The following EYA3 variants were observed in gnomAD, a reference collection of about 807,000 sequenced individuals.
The protein encoded by EYA3 is EYA transcriptional coactivator and phosphatase 3.
A neutral mutation model predicts 80.0 loss-of-function variants in EYA3; 39 were observed. The ratio of observed to expected loss-of-function variants is 0.49; its 90% CI spans 0.38 to 0.64. EYA3 has a LOEUF of 0.64. EYA3 is among the 30% of genes least tolerant of loss of function. The pLI is 0.00. For missense variants in EYA3, 523 were observed against 676.1 expected, an observed-to-expected ratio of 0.77 and a Z score of 2.51; for synonymous variants, 206 against 232.8, an observed-to-expected ratio of 0.88 and a Z score of 1.05.
At chr1:28,082,765 A>T (rs1170413764) in intron 1 of EYA3, among the ~76,000 whole-genome samples, 1 of 152,186 alleles carries the variant, frequency 6.6e-6, no homozygotes, top group African/African-American at 2.4e-5. Context: ...CTCTGAAGGT[A>T]AAAGAAAAAA....
At chr1:27,999,550 A>C (rs1640684283) in intron 12 of EYA3, among the ~76,000 whole-genome samples, 1 of 152,228 alleles carries the variant, frequency 6.6e-6, no homozygotes, top group African/African-American at 2.4e-5. Context: ...TCAGGAGACT[A>C]TCCTTTAAGA....
At chr1:28,058,140 A>G (rs1037431910) in intron 1 of EYA3, 46 bp from the exon 2 acceptor site, 2 of 720,138 alleles carry the variant, frequency 2.8e-6, no homozygotes, top group African/African-American at 3.6e-5. Context: ...CTCTTAAAGT[A>G]TTATCATTGA....
chr1:28,027,080 A>G (rs190533880), intron 7 of EYA3, among the ~76,000 whole-genome samples: 1 of 152,316 alleles, frequency 6.6e-6, no homozygotes, highest in Admixed American at 6.5e-5. Context: ...ATATCAGGAG[A>G]AAAGAGGCAG....
chr1:27,990,706 C>T (rs1639994409), intron 14 of EYA3, among the ~76,000 whole-genome samples: 1 of 151,998 alleles, frequency 6.6e-6, no homozygotes, highest in Non-Finnish European at 1.5e-5. Flanking sequence ...GCAGCTGCCA[C>T]CACACCCAGC....
At chr1:28,054,107 C>T (rs765771789) in intron 2 of EYA3, among the ~76,000 whole-genome samples, 3 of 152,140 alleles carry the variant, frequency 2.0e-5, no homozygotes, top group Non-Finnish European at 4.4e-5. Context: ...ATTCCATATG[C>T]TAGAGGGGTA....
chr1:28,034,907 T>C (rs569734722), intron 6 of EYA3, among the ~76,000 whole-genome samples: 2 of 152,228 alleles, frequency 1.3e-5, no homozygotes, highest in South Asian at 4.1e-4. Context: ...TTTACACACA[T>C]AGAAAAATAA....
At chr1:27,980,946 G>A (rs1639258901) in intron 16 of EYA3, among the ~76,000 whole-genome samples, 1 of 152,234 alleles carries the variant, frequency 6.6e-6, no homozygotes, top group Admixed American at 6.5e-5. Flanking sequence ...GGAGGCTGAT[G>A]TGGGTGGATC....
At chr1:28,080,901 C>A (rs1645400699) in intron 1 of EYA3, among the ~76,000 whole-genome samples, 1 of 152,070 alleles carries the variant, frequency 6.6e-6, no homozygotes, top group Non-Finnish European at 1.5e-5. Context: ...TAGGCGCCTG[C>A]CACCATGCCT....
At chr1:28,020,409 A>C (rs1232656072) in intron 7 of EYA3, among the ~76,000 whole-genome samples, 1 of 152,202 alleles carries the variant, frequency 6.6e-6, no homozygotes, top group Non-Finnish European at 1.5e-5. Flanking sequence ...AAACCCATTA[A>C]GTATATCAGG....
intron 17 of EYA3, among the ~76,000 whole-genome samples, chr1:27,975,718 C>A (rs1374738525): frequency 1.3e-5 from 2 of 150,792 alleles, no homozygotes; most frequent in African/African-American, 2.4e-5. Flanking sequence ...ATCTCCTGAC[C>A]TCATGATCGC....
intron 5 of EYA3, 144 bp downstream of exon 5, chr1:28,038,695 G>A (rs943247399): frequency 3.8e-5 from 19 of 493,716 alleles, no homozygotes; most frequent in African/African-American, 3.3e-4. Context: ...TATATTTAGA[G>A]GGAATTAAAA....
At chr1:27,982,997 T>G (rs1639413539) in intron 16 of EYA3, among the ~76,000 whole-genome samples, 1 of 152,224 alleles carries the variant, frequency 6.6e-6, no homozygotes, top group South Asian at 2.1e-4. Context: ...GACCAATTAT[T>G]TTCTATGATA....
At chr1:28,061,234 AT>A (rs1490915280) in intron 1 of EYA3, among the ~76,000 whole-genome samples, 1 of 152,212 alleles carries the variant, frequency 6.6e-6, no homozygotes, top group Non-Finnish European at 1.5e-5. Context: ...ATGACCACAA[AT>A]TATGTAATTC....
intron 4 of EYA3, among the ~76,000 whole-genome samples, chr1:28,040,128 A>G (rs1553151235): frequency 6.6e-6 from 1 of 152,212 alleles, no homozygotes; most frequent in Non-Finnish European, 1.5e-5. Flanking sequence ...TCAAGATATA[A>G]TATCCATTAT....
intron 10 of EYA3, among the ~76,000 whole-genome samples, chr1:28,005,393 C>G (rs1172985030): frequency 6.6e-6 from 1 of 152,056 alleles, no homozygotes; most frequent in Non-Finnish European, 1.5e-5. Context: ...AACTACAGAC[C>G]AACATCTCTT....
chr1:28,002,403 T>C (rs1432692250), intron 11 of EYA3, among the ~76,000 whole-genome samples: 1 of 151,276 alleles, frequency 6.6e-6, no homozygotes. Flanking sequence ...CCACCACGCC[T>C]GGTCTTATTT....
chr1:28,060,400 T>C (rs72875054), intron 1 of EYA3, among the ~76,000 whole-genome samples: 324 of 152,268 alleles, frequency 2.1e-3, no homozygotes, highest in African/African-American at 5.3e-3. Flanking sequence ...AGAATCATTT[T>C]AAAAGAAAAA....
intron 15 of EYA3, among the ~76,000 whole-genome samples, 166 bp from the exon 16 acceptor site, chr1:27,988,822 T>C (rs1336860971): frequency 6.6e-6 from 1 of 152,190 alleles, no homozygotes; most frequent in African/African-American, 2.4e-5. Flanking sequence ...TATTTCATGT[T>C]CATTTACTTT....
At chr1:28,021,551 G>A (rs1642436321) in intron 7 of EYA3, among the ~76,000 whole-genome samples, 1 of 151,880 alleles carries the variant, frequency 6.6e-6, no homozygotes, top group Non-Finnish European at 1.5e-5. Flanking sequence ...ATAAATATTT[G>A]TGGGATTCAT....
Sources: gnomAD v4.1 joint callset for allele counts (sites outside exome capture counted in the v4.1 genomes callset) on GRCh38, gnomAD v4.1.1 for gene constraint, MANE v1.5 for transcripts, NCBI Gene and HGNC (gene_info 2026-07-23, HGNC 2026-07-21) for gene names.